Variants in NECTIN3 observed in about 807,000 individuals in gnomAD.
The protein encoded by NECTIN3 is nectin-3.
NECTIN3 carries 8 observed loss-of-function variants against 49.4 expected under a neutral mutation model. The ratio of observed to expected loss-of-function variants is 0.16; its 90% confidence interval spans 0.10 to 0.29. The LOEUF (loss-of-function observed/expected upper bound fraction) is 0.29, where lower values mean the gene tolerates loss of function less well. Among genes scored for constraint, NECTIN3 ranks in the 10% least tolerant of loss-of-function variants. NECTIN3 has a pLI of 1.00. For synonymous variants in NECTIN3, 277 were observed against 241.1 expected (o/e 1.15, Z -1.38); for missense variants, 581 against 654.6 (o/e 0.89, Z 1.23).
chr3:111,159,439 A>C (rs2107518608), intron 7 of NECTIN3, among the ~76,000 whole-genome samples: 1 of 152,312 alleles, frequency 6.6e-6, no homozygotes, highest in Admixed American at 6.5e-5. Flanking sequence ...TCCGTAATGA[A>C]CTAACTGGAA....
Position 111,134,540 on chromosome 3 carries a change from G to T in NECTIN3, c.*325G>T. ...CTTGGTACAAAAATTTTTTAAAAAG[G>T]GAACTACCTTGACATTGTGTATTAA... On this transcript the variant is annotated 3_prime_UTR_variant, in exon 6 of 6. Coordinates refer to ENST00000485303, the MANE Select transcript of NECTIN3 (RefSeq NM_015480.3). 1.0e-6 allele frequency: 1 copy of T among 981,918 alleles called. No individual in the cohort carries two copies. The highest frequency in any genetic ancestry group is 1.2e-6 in the Non-Finnish European group (1 of 819,866). The allele number at this position is 981,918 out of a possible 1,614,324, so 60.8% of individuals were successfully genotyped here. A position where few individuals can be genotyped will look rare whatever the true frequency, so the allele number is the denominator to read the frequency against.
intron 7 of NECTIN3, among the ~76,000 whole-genome samples, chr3:111,151,991 T>TC (rs1218943641): frequency 2.0e-5 from 3 of 151,642 alleles, no homozygotes; most frequent in Non-Finnish European, 4.4e-5. Flanking sequence ...TTAATTTATT[T>TC]CCCCCCTGTA....
intron 1 of NECTIN3, among the ~76,000 whole-genome samples, chr3:111,097,819 G>C (rs1382770640): frequency 1.3e-5 from 2 of 151,990 alleles, no homozygotes; most frequent in Non-Finnish European, 2.9e-5. Flanking sequence ...TCTTCCCTTT[G>C]TAAATTGTCC....
At chr3:111,120,228 T>G (rs1188791886) in intron 3 of NECTIN3, among the ~76,000 whole-genome samples, 1 of 152,216 alleles carries the variant, frequency 6.6e-6, no homozygotes, top group Non-Finnish European at 1.5e-5. Flanking sequence ...TAATAATGAC[T>G]GATATTTTCA....
chr3:111,137,577 T>C (rs2034625957), downstream of NECTIN3: 3 of 813,930 alleles, frequency 3.7e-6, no homozygotes, highest in Non-Finnish European at 4.4e-6. Flanking sequence ...TGTAATAAGT[T>C]CATTGCTCTA....
intron 5 of NECTIN3, among the ~76,000 whole-genome samples, chr3:111,129,954 ATTTTTTT>A (rs547491944): frequency 7.6e-6 from 1 of 131,586 alleles, no homozygotes; most frequent in Non-Finnish European, 1.6e-5. Context: ...CCAGCAGAGA[ATTTTTTT>A]TTTTTTTTTT....
At chr3:111,191,051 T>C (rs1450991736), upstream of NECTIN3, among the ~76,000 whole-genome samples, 1 of 152,168 alleles carries the variant, frequency 6.6e-6, no homozygotes, top group Non-Finnish European at 1.5e-5. Context: ...GCAAAGATAG[T>C]GAAATGCAGA....
intron 6 of NECTIN3, among the ~76,000 whole-genome samples, chr3:111,146,827 T>C (rs1376220771): frequency 5.3e-5 from 8 of 152,166 alleles, no homozygotes; most frequent in African/African-American, 1.9e-4. Flanking sequence ...ATTTAAAATA[T>C]ATGAAAATGT....
rs1056736136 is a variant in NECTIN3 at position 111,135,870 on chromosome 3, C to G, written c.*1655C>G. The G allele has an allele frequency of 4.2e-5, 39 of 925,022 alleles. No homozygotes were observed. Among genetic ancestry groups the G allele is most frequent in the Admixed American group, 1.2e-4 (2 of 16,044 alleles). The allele number at this position is 925,022 out of a possible 1,614,324, so 57.3% of individuals were successfully genotyped here. On this transcript the variant is annotated 3_prime_UTR_variant, in exon 6 of 6. Transcript: ENST00000485303. ...GAAATTAGAAACCTCTTTTATTTCT[C>G]TTCCCAAAAGTAATACTTATTATAA...
At chr3:111,163,949 C>A (rs1559814796) in intron 7 of NECTIN3, among the ~76,000 whole-genome samples, 2 of 136,462 alleles carry the variant, frequency 1.5e-5, no homozygotes, top group Non-Finnish European at 1.6e-5. Context: ...AAACAAGTAA[C>A]AGCTGGGAAT....
Position 111,071,954 on chromosome 3 carries a change from T to G in NECTIN3, c.-64T>G, listed in dbSNP as rs1576054025. On this transcript the variant is annotated 5_prime_UTR_variant, in exon 1 of 6. Transcript: ENST00000485303. ...CCTTCCACAGCCTCCGCCCAGAGCC[T>G]GAGGCGCCGGGGCCGGGGGAGCCGG... The G allele has an allele frequency of 8.7e-7, 1 of 1,150,472 alleles. No homozygotes were observed. 71.3% of individuals were successfully genotyped at this position (1,150,472 alleles called of 1,614,324 possible).
At position 111,118,963 on chromosome 3, in the gene NECTIN3, G is replaced by T; in HGVS notation, c.799+11G>T. The stretch of plus-strand genomic sequence containing the variant: ...TATTAGACATACAGTGTAAGTAAAT[G>T]GTAACATTTACTTTTTAAATATTTG... On this transcript the variant is annotated intron_variant, in intron 3 of 5. Transcript: ENST00000485303. 1.3e-6 allele frequency: 2 copies of T among 1,558,842 alleles called. No homozygotes were observed. The highest frequency in any genetic ancestry group is 1.7e-6 in the Non-Finnish European group (2 of 1,148,788).
chr3:111,122,070 C>A (rs2033979977), intron 3 of NECTIN3, 51 bp from the exon 4 acceptor site: 1 of 1,196,436 alleles, frequency 8.4e-7, no homozygotes, highest in Non-Finnish European at 1.2e-6. Context: ...ATGTATATTG[C>A]ATTTATCATT....
At chr3:111,133,075 T>A (rs1232411832) in intron 5 of NECTIN3, among the ~76,000 whole-genome samples, 1 of 151,890 alleles carries the variant, frequency 6.6e-6, no homozygotes, top group Non-Finnish European at 1.5e-5. Flanking sequence ...CAACAGCTTA[T>A]ACTATGCCCA....
intron 5 of NECTIN3, among the ~76,000 whole-genome samples, chr3:111,129,520 A>C (rs561858441): frequency 6.6e-6 from 1 of 152,228 alleles, no homozygotes; most frequent in African/African-American, 2.4e-5. Context: ...AGAATAAAAC[A>C]ATCAGGAATC....
rs1251936774 is a variant in NECTIN3 at position 111,192,390 on chromosome 3, G to T, written c.40G>T (p.Glu14Ter). 2 of 1,535,952 alleles carry T rather than the reference G, an allele frequency of 1.3e-6. No individual in the cohort carries two copies. Among genetic ancestry groups the T allele is most frequent in the Admixed American group, 3.9e-5 (2 of 50,992 alleles). Residue 14 changes from glutamate to a stop codon, truncating the protein, a stop_gained, in exon 1 of 2, where the codon GAA becomes TAA. Coordinates refer to the NECTIN3 transcript ENST00000485506. LOFTEE classifies it high-confidence loss of function. ...TTTGCAGACTCAGTTCAAAGAAAGA[G>T]AAGTTGGCAATCTTCAGCACTCTGT...
upstream of NECTIN3, among the ~76,000 whole-genome samples, chr3:111,191,409 AAATGCTATG>A (rs2035809746): frequency 6.6e-6 from 1 of 152,194 alleles, no homozygotes; most frequent in Non-Finnish European, 1.5e-5. Flanking sequence ...ATGTGATAAT[AAATGCTATG>A]AAGGCACAGA....
At chr3:111,130,079 C>A (rs2034330149) in intron 5 of NECTIN3, among the ~76,000 whole-genome samples, 1 of 151,786 alleles carries the variant, frequency 6.6e-6, no homozygotes, top group Non-Finnish European at 1.5e-5. Context: ...GCCTCAGCCT[C>A]CCAAGCAGCT....
chr3:111,159,142 T>C (rs988668824), intron 7 of NECTIN3, among the ~76,000 whole-genome samples: 1 of 152,190 alleles, frequency 6.6e-6, no homozygotes, highest in African/African-American at 2.4e-5. Flanking sequence ...TATATTTGCT[T>C]AGTTTACATA....
Sources: allele counts gnomAD v4.1 joint callset (sites outside exome capture counted in the v4.1 genomes callset), GRCh38; gene constraint gnomAD v4.1.1; transcripts MANE v1.5; gene names NCBI Gene and HGNC (gene_info 2026-07-23, HGNC 2026-07-21).